RAB40B: variants seen among roughly 807,000 people sequenced by gnomAD.
RAB40B encodes the protein ras-related protein Rab-40B.
Under a neutral mutation model 24.0 loss-of-function variants are expected in RAB40B, and 21 were observed. The observed-to-expected ratio is 0.88, with a 90% CI of 0.62 to 1.26. The LOEUF (loss-of-function observed/expected upper bound fraction) is 1.26. Ranked by LOEUF, RAB40B falls within the 50% of genes most tolerant of loss-of-function variation. RAB40B has a pLI of 0.00. For synonymous variants in RAB40B, 167 were observed against 169.8 expected, an observed-to-expected ratio of 0.98 and a Z score of 0.13; for missense variants, 348 against 390.5, an observed-to-expected ratio of 0.89 and a Z score of 0.92.
At chr17:82,686,492 T>C (rs528434869) in intron 1 of RAB40B, among the ~76,000 whole-genome samples, 14 of 152,160 alleles carry the variant, frequency 9.2e-5, no homozygotes, top group Non-Finnish European at 1.9e-4. Flanking sequence ...CTAGTGTTCT[T>C]ATAAGCACAG....
At chr17:82,665,590 G>C (rs112584679) in intron 1 of RAB40B, among the ~76,000 whole-genome samples, 4,776 of 152,232 alleles carry the variant, frequency 0.031, 90 homozygotes, top group Middle Eastern at 0.048. Context: ...TTAAGGGCTG[G>C]ATGCGGTGGC....
At chr17:82,666,523 G>A (rs1037295331) in intron 1 of RAB40B, among the ~76,000 whole-genome samples, 6 of 152,150 alleles carry the variant, frequency 3.9e-5, no homozygotes, top group African/African-American at 1.4e-4. Flanking sequence ...GGGATTACAG[G>A]CATGAGCTGC....
intron 1 of RAB40B, among the ~76,000 whole-genome samples, chr17:82,690,463 G>A (rs111534887): frequency 1.1e-3 from 137 of 121,960 alleles, no homozygotes; most frequent in African/African-American, 3.1e-3. Flanking sequence ...CAGAATTGGA[G>A]GGAGCATGGA....
chr17:82,682,753 A>G (rs1417181414), intron 1 of RAB40B, among the ~76,000 whole-genome samples: 1 of 152,256 alleles, frequency 6.6e-6, no homozygotes, highest in South Asian at 2.1e-4. Context: ...TGCAAAGGCC[A>G]TACAATAAAG....
chr17:82,660,828 A>C (rs1274530462), intron 3 of RAB40B, among the ~76,000 whole-genome samples, 159 bp downstream of exon 3: 2 of 152,236 alleles, frequency 1.3e-5, no homozygotes, highest in Admixed American at 1.3e-4. Flanking sequence ...TCAAACAACC[A>C]ACCACTCTAC....
chr17:82,682,608 T>C (rs1297338937), intron 1 of RAB40B, among the ~76,000 whole-genome samples: 4 of 152,172 alleles, frequency 2.6e-5, no homozygotes, highest in African/African-American at 9.7e-5. Flanking sequence ...CTCAGACTCC[T>C]CAAACTCAAG....
intron 1 of RAB40B, among the ~76,000 whole-genome samples, chr17:82,678,507 G>A (rs1009140008): frequency 6.6e-6 from 1 of 152,210 alleles, no homozygotes; most frequent in Non-Finnish European, 1.5e-5. Context: ...TTAGGAATCT[G>A]TTTTAAGTCA....
chr17:82,678,880 T>TTG (rs397856466), intron 1 of RAB40B, among the ~76,000 whole-genome samples: 3 of 6,028 alleles, frequency 5.0e-4, no homozygotes, highest in African/African-American at 1.4e-3. Context: ...CCTTTCTGCG[T>TTG]TTTTTTTTTT....
rs757259866 is a variant in RAB40B, at chr17:82,657,660, C to T, written c.*203G>A. The T allele has an allele frequency of 8.7e-5, 62 of 716,666 alleles. No individual in the cohort carries two copies. The highest frequency in any genetic ancestry group is 1.4e-4 in the Non-Finnish European group (55 of 395,416). The allele number at this position is 716,666 out of a possible 1,614,324, so 44.4% of individuals were successfully genotyped here. On this transcript the variant is annotated 3_prime_UTR_variant, in exon 6 of 6. Coordinates refer to ENST00000571995, the MANE Select transcript of RAB40B (RefSeq NM_006822.3). ...TAATTTTCCCTTTACAAACACACATCGAAAACAAGAGCTTCATGCACATCC... is the reference window on the plus strand; with the variant it reads ...TAATTTTCCCTTTACAAACACACATTGAAAACAAGAGCTTCATGCACATCC...
At chr17:82,658,369 C>G in intron 5 of RAB40B, 122 bp downstream of exon 5, 6 of 1,216,852 alleles carry the variant, frequency 4.9e-6, no homozygotes, top group Non-Finnish European at 6.9e-6. Flanking sequence ...ATGCCTTGCT[C>G]TGAGAACGGA....
At position 82,680,927 on chromosome 17, in the gene RAB40B, G is replaced by T. The variant is rs556774760; in HGVS notation, c.143-16371C>A. Among the ~76,000 whole-genome samples, 18 of 150,614 alleles carry T rather than the reference G, an allele frequency of 1.2e-4. No homozygotes were observed. In the South Asian group the frequency reaches 3.6e-3, roughly 30 times the overall value. On this transcript the variant is annotated intron_variant, in intron 1 of 5. Transcript: ENST00000571995. ...CACCTGTAGTCCCAGCTACTCAGGAGGCTGAGGCAGGAGAATCATTTGAAC... is the reference window on the plus strand; with the variant it reads ...CACCTGTAGTCCCAGCTACTCAGGATGCTGAGGCAGGAGAATCATTTGAAC...
intron 1 of RAB40B, among the ~76,000 whole-genome samples, chr17:82,679,350 C>G (rs1207411711): frequency 6.6e-6 from 1 of 151,614 alleles, no homozygotes; most frequent in Middle Eastern, 3.4e-3. Context: ...GGCGCAATCT[C>G]GGCTCACTGC....
intron 1 of RAB40B, chr17:82,696,599 C>T (rs1446988809): frequency 1.3e-5 from 2 of 155,364 alleles, no homozygotes; most frequent in Non-Finnish European, 2.8e-5. Context: ...GTCCTCCAGG[C>T]GCTCAATCTC....
chr17:82,666,388 G>A (rs2046257744), intron 1 of RAB40B, among the ~76,000 whole-genome samples: 1 of 152,038 alleles, frequency 6.6e-6, no homozygotes, highest in East Asian at 1.9e-4. Context: ...GGAATTACAG[G>A]CATACACCGC....
intron 1 of RAB40B, among the ~76,000 whole-genome samples, chr17:82,689,408 C>A (rs1334948274): frequency 6.6e-6 from 1 of 152,240 alleles, no homozygotes; most frequent in Non-Finnish European, 1.5e-5. Context: ...CCTGGAGAAA[C>A]CTGGCTGGCT....
rs1286491058 is a variant in RAB40B, at chr17:82,655,946, A to G, written c.*1917T>C. 2 of 122,996 alleles carry G rather than the reference A, an allele frequency of 1.6e-5. No individual in the cohort carries two copies. The highest frequency in any genetic ancestry group is 4.7e-4 in the East Asian group (2 of 4,298). 7.6% of individuals were successfully genotyped at this position (122,996 alleles called of 1,614,324 possible). ...TGCCCCTGATTCTAGGGTCCCTTAA[A>G]TTTCTTTTTTTTTTTTTTTTTTAGA... is the stretch of plus-strand genomic sequence containing the variant. On this transcript the variant is annotated 3_prime_UTR_variant, in exon 6 of 6. Transcript: ENST00000571995.
At chr17:82,659,348 C>T (rs145088675) in intron 4 of RAB40B, 14 of 542,774 alleles carry the variant, frequency 2.6e-5, no homozygotes, top group African/African-American at 3.8e-5. Flanking sequence ...ACGCCGTGGA[C>T]GCTCGTTTCG....
At chr17:82,660,069 G>A (rs1333006774) in intron 3 of RAB40B, among the ~76,000 whole-genome samples, 3 of 152,054 alleles carry the variant, frequency 2.0e-5, no homozygotes, top group East Asian at 3.9e-4. Flanking sequence ...CTGCACACAT[G>A]TTGCATACAC....
chr17:82,672,032 T>C (rs77106756), intron 1 of RAB40B, among the ~76,000 whole-genome samples: 140 of 2,148 alleles, frequency 0.065, 25 homozygotes, highest in African/African-American at 0.069. Flanking sequence ...CTCCCTGTAC[T>C]CACTGACACA....
Sources: gnomAD v4.1 joint callset for allele counts (sites outside exome capture counted in the v4.1 genomes callset) on GRCh38, gnomAD v4.1.1 for gene constraint, MANE v1.5 for transcripts, NCBI Gene and HGNC (gene_info 2026-07-23, HGNC 2026-07-21) for gene names.